The following CAPS2 variants were observed in gnomAD, a reference collection of about 807,000 sequenced individuals.
CAPS2 encodes the protein calcyphosin-2.
A neutral mutation model predicts 86.5 loss-of-function variants in CAPS2; 98 were observed. The ratio of observed to expected loss-of-function variants is 1.13; its 90% CI spans 0.96 to 1.34. CAPS2 has a LOEUF of 1.34. Among genes scored for constraint, CAPS2 ranks in the 40% most tolerant of loss-of-function variants. The pLI, the probability that CAPS2 is intolerant of heterozygous loss-of-function variation, is 0.00. For synonymous variants in CAPS2, 210 were observed against 225.1 expected (o/e 0.93, Z 0.60); for missense variants, 729 against 686.8 (o/e 1.06, Z -0.69).
intron 7 of CAPS2, chr12:75,306,135 G>C (rs2038460926): frequency 8.8e-7 from 1 of 1,133,914 alleles, no homozygotes; most frequent in Non-Finnish European, 1.3e-6. Context: ...ACGTGCGGAA[G>C]CTCATCACCG....
At chr12:75,308,244 A>T (rs1254622703) in intron 7 of CAPS2, among the ~76,000 whole-genome samples, 1 of 152,182 alleles carries the variant, frequency 6.6e-6, no homozygotes, top group Non-Finnish European at 1.5e-5. Flanking sequence ...AACCAATTAG[A>T]CTGATTGCAG....
chr12:75,359,436 G>C (rs1242301089), intron 1 of CAPS2, among the ~76,000 whole-genome samples: 1 of 127,244 alleles, frequency 7.9e-6, no homozygotes, highest in African/African-American at 3.0e-5. Flanking sequence ...AATTCCACCA[G>C]GATTTTATTG....
chr12:75,312,751 C>A, intron 7 of CAPS2, 97 bp downstream of exon 7: 1 of 719,496 alleles, frequency 1.4e-6, no homozygotes, highest in South Asian at 1.8e-5. Context: ...CTGAGTTAGC[C>A]ACCCTTTAAT....
At chr12:75,390,439 C>T in intron 1 of CAPS2, 1 of 442,624 alleles carries the variant, frequency 2.3e-6, no homozygotes, top group Non-Finnish European at 4.5e-6. Context: ...GATCCCTACT[C>T]TCCCTTCACT....
At chr12:75,388,909 T>G (rs2045429557) in intron 1 of CAPS2, among the ~76,000 whole-genome samples, 1 of 152,198 alleles carries the variant, frequency 6.6e-6, no homozygotes, top group Non-Finnish European at 1.5e-5. Flanking sequence ...GAGAAATCTC[T>G]GTACCTTCCT....
At chr12:75,298,873 A>T (rs1395267571) in exon 10 of CAPS2, 2 of 1,607,740 alleles carry the variant, frequency 1.2e-6, no homozygotes, top group Non-Finnish European at 8.5e-7. Context: ...TGGCATACCT[A>T]TTTTTCCCAA....
chr12:75,284,503 G>A (rs1336944839), intron 15 of CAPS2, among the ~76,000 whole-genome samples: 1 of 151,976 alleles, frequency 6.6e-6, no homozygotes, highest in East Asian at 1.9e-4. Context: ...CTAAAGACCA[G>A]AGAAACATTT....
rs988154484 is a variant in CAPS2, at chr12:75,312,785, C to A, written c.659+63G>T. The A allele has an allele frequency of 3.1e-6, 3 of 957,064 alleles. 1 individual carries two copies. Among genetic ancestry groups the A allele is most frequent in the Non-Finnish European group, 5.1e-6 (3 of 593,632 alleles). The allele number at this position is 957,064 out of a possible 1,614,324, so 59.3% of individuals were successfully genotyped here. ...ATTGACCAAGGATATGAATGTCATG[C>A]ATGAAAATAAATTTAATGAAAACTT... On this transcript the variant is annotated intron_variant, in intron 7 of 16. Coordinates refer to ENST00000393284, the Ensembl canonical transcript of CAPS2.
intron 11 of CAPS2, chr12:75,298,384 A>G (rs1236470488): frequency 3.1e-6 from 1 of 327,696 alleles, no homozygotes; most frequent in African/African-American, 2.1e-5. Flanking sequence ...ACCCAATGAC[A>G]CAGCTTTGAA....
chr12:75,365,348 A>G (rs933456104), intron 1 of CAPS2: 1 of 152,192 alleles, frequency 6.6e-6, no homozygotes, highest in Non-Finnish European at 1.5e-5. Context: ...CAGAAAAAGG[A>G]AAGTATTCAT....
At chr12:75,389,184 A>C (rs1001080136) in intron 1 of CAPS2, among the ~76,000 whole-genome samples, 1 of 152,198 alleles carries the variant, frequency 6.6e-6, no homozygotes, top group Non-Finnish European at 1.5e-5. Flanking sequence ...CACATTAAAT[A>C]TTTGTGAAAT....
At chr12:75,338,058 A>G (rs956914340) in intron 1 of CAPS2, among the ~76,000 whole-genome samples, 6 of 152,138 alleles carry the variant, frequency 3.9e-5, no homozygotes, top group Non-Finnish European at 8.8e-5. Context: ...AGCAACACCA[A>G]TCTTATACAA....
chr12:75,376,997 T>C (rs985296571), intron 1 of CAPS2, among the ~76,000 whole-genome samples: 8 of 152,198 alleles, frequency 5.3e-5, no homozygotes, highest in African/African-American at 1.4e-4. Context: ...AACTTTATTA[T>C]ATTCCTTGAT....
intron 14 of CAPS2, among the ~76,000 whole-genome samples, chr12:75,287,159 C>T (rs1341265832): frequency 6.6e-6 from 1 of 151,344 alleles, no homozygotes; most frequent in Non-Finnish European, 1.5e-5. Context: ...ATTCCCATTG[C>T]CCTTCCTTGT....
At chr12:75,279,052 C>G (rs369849359) in exon 17 of CAPS2, 47 of 1,594,162 alleles carry the variant, frequency 2.9e-5, no homozygotes, top group Admixed American at 5.4e-5. Flanking sequence ...TGATTTCTTC[C>G]TCTGTTGAAT....
chr12:75,373,904 T>C (rs895432859), intron 1 of CAPS2: 1 of 152,186 alleles, frequency 6.6e-6, no homozygotes, highest in African/African-American at 2.4e-5. Flanking sequence ...CTTCTGTGCA[T>C]GCCCAACTTT....
At chr12:75,378,833 TAACC>T (rs1157661931) in intron 1 of CAPS2, among the ~76,000 whole-genome samples, 2 of 152,190 alleles carry the variant, frequency 1.3e-5, no homozygotes, top group Middle Eastern at 3.2e-3. Context: ...CACACAAAAC[TAACC>T]ATCACATTAC....
chr12:75,319,300 G>A (rs2040078138), intron 5 of CAPS2, among the ~76,000 whole-genome samples: 1 of 152,094 alleles, frequency 6.6e-6, no homozygotes, highest in Non-Finnish European at 1.5e-5. Flanking sequence ...CATGGAGGTC[G>A]ATCTCTCGTG....
intron 2 of CAPS2, among the ~76,000 whole-genome samples, chr12:75,323,676 G>C (rs1325253896): frequency 1.3e-5 from 2 of 152,250 alleles, no homozygotes; most frequent in African/African-American, 4.8e-5. Flanking sequence ...CTAGGAGGCA[G>C]AGGTTGTGGT....
Sources: gnomAD v4.1 joint callset for allele counts (sites outside exome capture counted in the v4.1 genomes callset) on GRCh38, gnomAD v4.1.1 for gene constraint, MANE v1.5 for transcripts, NCBI Gene and HGNC (gene_info 2026-07-23, HGNC 2026-07-21) for gene names.